TCF20: variants seen among roughly 807,000 people sequenced by gnomAD.
TCF20 encodes the protein transcription factor 20.
A neutral mutation model predicts 148.6 loss-of-function variants in TCF20; 3 were observed. The ratio of observed to expected loss-of-function variants is 0.02; its 90% confidence interval spans 0.01 to 0.05. The LOEUF (loss-of-function observed/expected upper bound fraction) is 0.05. TCF20 is among the 10% of genes least tolerant of loss of function. The pLI is 1.00. For synonymous variants in TCF20, 1,049 were observed against 909.5 expected (o/e 1.15, Z -2.76); for missense variants, 2,350 against 2,429.3 (o/e 0.97, Z 0.69).
chr22:42,221,397 A>G (rs1922343981), intron 1 of TCF20, among the ~76,000 whole-genome samples: 2 of 152,320 alleles, frequency 1.3e-5, no homozygotes, highest in African/African-American at 4.8e-5. Context: ...ATACAATTAA[A>G]CACTCCTTAA....
At chr22:42,185,893 G>A (rs142118827) in intron 2 of TCF20, among the ~76,000 whole-genome samples, 168 of 152,210 alleles carry the variant, frequency 1.1e-3, no homozygotes, top group African/African-American at 3.9e-3. Context: ...CCTGCACCAC[G>A]GCCCAGTACC....
chr22:42,320,071 G>A (rs1026991067), intron 1 of TCF20, among the ~76,000 whole-genome samples: 8 of 152,108 alleles, frequency 5.3e-5, no homozygotes, highest in Non-Finnish European at 1.2e-4. Flanking sequence ...AGATGAAGAA[G>A]CACAGCGAGC....
intron 1 of TCF20, among the ~76,000 whole-genome samples, chr22:42,251,689 G>A (rs1925384059): frequency 6.6e-6 from 1 of 150,636 alleles, no homozygotes; most frequent in Non-Finnish European, 1.5e-5. Context: ...TTTTAGTAGA[G>A]ACGGGGTTTT....
chr22:42,335,143 T>C (rs1188972284), intron 1 of TCF20, among the ~76,000 whole-genome samples: 5 of 151,352 alleles, frequency 3.3e-5, no homozygotes, highest in African/African-American at 7.3e-5. Context: ...CCAGCAAAGA[T>C]CCCAGTTTTG....
intron 1 of TCF20, among the ~76,000 whole-genome samples, chr22:42,253,028 T>C (rs769359542): frequency 2.0e-5 from 3 of 152,118 alleles, no homozygotes; most frequent in Non-Finnish European, 4.4e-5. Flanking sequence ...AGCAAAATAC[T>C]GGTTTATAAA....
intron 1 of TCF20, among the ~76,000 whole-genome samples, chr22:42,227,768 G>A (rs1044851714): frequency 2.6e-5 from 4 of 152,164 alleles, no homozygotes; most frequent in African/African-American, 7.2e-5. Context: ...CTCGTGACCA[G>A]ACTCAGGTCA....
intron 1 of TCF20, among the ~76,000 whole-genome samples, chr22:42,255,265 T>C (rs1425835464): frequency 6.6e-6 from 1 of 152,030 alleles, no homozygotes; most frequent in African/African-American, 2.4e-5. Context: ...GGCGGGCGGA[T>C]CACGAGGTCA....
At chr22:42,298,106 A>G (rs1224903074) in intron 1 of TCF20, among the ~76,000 whole-genome samples, 1 of 152,250 alleles carries the variant, frequency 6.6e-6, no homozygotes, top group Non-Finnish European at 1.5e-5. Context: ...TGACTTGCCC[A>G]AAGTCACACA....
At chr22:42,215,486 T>C in intron 1 of TCF20, 145 bp from the exon 2 acceptor site, 2 of 1,132,110 alleles carry the variant, frequency 1.8e-6, no homozygotes, top group South Asian at 1.9e-5. Context: ...TTTTGGTTTT[T>C]TGAGACAAGA....
intron 2 of TCF20, among the ~76,000 whole-genome samples, chr22:42,187,904 G>A (rs5751238): frequency 0.087 from 13,262 of 152,168 alleles, 1,288 homozygotes; most frequent in East Asian, 0.45. Context: ...CAAATAATGA[G>A]AAGTTAGTAG....
chr22:42,215,199 T>C lies in TCF20; in HGVS notation c.107A>G (p.Gln36Arg). 6 of 1,614,180 alleles carry C rather than the reference T, an allele frequency of 3.7e-6. No homozygotes were observed. The highest frequency in any genetic ancestry group is 1.1e-5 in the South Asian group (1 of 91,082). Reference protein sequence around the residue: ...RLEEFSPRQAQMFQNFGGTGG... With the variant: ...RLEEFSPRQARMFQNFGGTGG... Reference sequence around the variant, plus strand: ...TGTACCTCCAAAATTCTGGAACATCTGGGCCTGACGAGGGCTGAACTCTTC... The same window carrying C: ...TGTACCTCCAAAATTCTGGAACATCCGGGCCTGACGAGGGCTGAACTCTTC... The change falls in exon 2 of 6, where the codon CAG becomes CGG. Residue 36 changes from glutamine to arginine, a missense_variant. Around this residue, in one of 7 missense-constraint regions of TCF20, gnomAD observed 1,641 missense variants for 1,662.6 expected, o/e 0.99. Coordinates refer to ENST00000677622, the MANE Select transcript of TCF20 (RefSeq NM_001378418.1).
At chr22:42,224,837 TG>T (rs1446915463) in intron 1 of TCF20, among the ~76,000 whole-genome samples, 1 of 152,104 alleles carries the variant, frequency 6.6e-6, no homozygotes, top group African/African-American at 2.4e-5. Flanking sequence ...ACCTGTGCTA[TG>T]ATTATAACTA....
chr22:42,336,693 A>C (rs1387527810), intron 1 of TCF20, among the ~76,000 whole-genome samples: 1 of 151,938 alleles, frequency 6.6e-6, no homozygotes, highest in East Asian at 1.9e-4. Context: ...ACCATACTCC[A>C]GCCACAATGG....
upstream of TCF20, among the ~76,000 whole-genome samples, chr22:42,284,006 A>AAGCCGGCAAGTG (rs1370905747): frequency 1.4e-4 from 22 of 152,192 alleles, no homozygotes; most frequent in Non-Finnish European, 2.5e-4. Flanking sequence ...CCTCCTGCCC[A>AAGCCGGCAAGTG]AGCCGGCAAG....
At position 42,197,161 on chromosome 22, in the gene TCF20, C is replaced by T. The variant is rs191359192; in HGVS notation, c.5655+12490G>A. Among the ~76,000 whole-genome samples the T allele has an allele frequency of 2.2e-4, 33 of 152,250 alleles. No individual in the cohort carries two copies. The East Asian group carries it at 4.8e-3, about 22-fold the overall frequency. On this transcript the variant is annotated intron_variant, in intron 2 of 5. Coordinates refer to ENST00000677622, the MANE Select transcript of TCF20 (RefSeq NM_001378418.1). ...AACACATGAGGACACAATTCTAAGG[C>T]TGATGCTAGGTAGCTCATAATATTT...
At chr22:42,204,833 G>A (rs1409642959) in intron 2 of TCF20, among the ~76,000 whole-genome samples, 1 of 151,948 alleles carries the variant, frequency 6.6e-6, no homozygotes, top group Non-Finnish European at 1.5e-5. Flanking sequence ...AACAGAGCAA[G>A]ACTCATCTCA....
At chr22:42,246,432 A>C (rs1370400816) in intron 1 of TCF20, among the ~76,000 whole-genome samples, 1 of 152,142 alleles carries the variant, frequency 6.6e-6, no homozygotes, top group Non-Finnish European at 1.5e-5. Context: ...TTCTTTACCT[A>C]CATTGTTTCT....
At chr22:42,227,761 G>C (rs926665486) in intron 1 of TCF20, among the ~76,000 whole-genome samples, 2 of 152,052 alleles carry the variant, frequency 1.3e-5, no homozygotes, top group Admixed American at 6.6e-5. Context: ...GTATTTCCTC[G>C]TGACCAGACT....
At chr22:42,232,884 A>G (rs1478474836) in intron 1 of TCF20, among the ~76,000 whole-genome samples, 1 of 152,058 alleles carries the variant, frequency 6.6e-6, no homozygotes, top group African/African-American at 2.4e-5. Context: ...AATAATTGCA[A>G]CTACTTTTAT....
Sources: gnomAD v4.1 joint callset for allele counts (sites outside exome capture counted in the v4.1 genomes callset) on GRCh38, gnomAD v4.1.1 for gene constraint, gnomAD v4.1.1 regional missense constraint, MANE v1.5 for transcripts, NCBI Gene and HGNC (gene_info 2026-07-23, HGNC 2026-07-21) for gene names.